CACNB2: variants seen among roughly 807,000 people sequenced by gnomAD.
The protein encoded by CACNB2 is voltage-dependent L-type calcium channel subunit beta-2.
A neutral mutation model predicts 73.3 loss-of-function variants in CACNB2; 42 were observed. The observed-to-expected ratio is 0.57, with a 90% CI of 0.45 to 0.74. CACNB2 has a LOEUF of 0.74. Among genes scored for constraint, CACNB2 ranks in the 30% least tolerant of loss-of-function variants. CACNB2 has a pLI of 0.00. For synonymous variants in CACNB2, 348 were observed against 310.3 expected, an observed-to-expected ratio of 1.12 and a Z score of -1.28; for missense variants, 940 against 853.0, an observed-to-expected ratio of 1.10 and a Z score of -1.27.
At chr10:18,249,079 A>C (rs959041645) in intron 2 of CACNB2, among the ~76,000 whole-genome samples, 1 of 152,176 alleles carries the variant, frequency 6.6e-6, no homozygotes, top group African/African-American at 2.4e-5. Context: ...TAAATCTGCA[A>C]CAGTTTCTCC....
intron 2 of CACNB2, among the ~76,000 whole-genome samples, chr10:18,186,547 G>A (rs371577052): frequency 5.8e-4 from 88 of 152,288 alleles, no homozygotes; most frequent in African/African-American, 2.0e-3. Flanking sequence ...TTCCGGGGAG[G>A]CCTCAGGAAA....
intron 2 of CACNB2, among the ~76,000 whole-genome samples, chr10:18,169,674 C>T (rs1257156776): frequency 6.6e-6 from 1 of 152,146 alleles, no homozygotes; most frequent in Admixed American, 6.5e-5. Context: ...TTATTGGGAA[C>T]TCATACTTCT....
At chr10:18,450,628 T>TTC (rs2046973711) in intron 3 of CACNB2, among the ~76,000 whole-genome samples, 1 of 121,126 alleles carries the variant, frequency 8.3e-6, no homozygotes, top group African/African-American at 3.6e-5. Flanking sequence ...TTTTTTTTCT[T>TTC]TTTTTTTTTT....
rs1053250926 is a variant in CACNB2 at position 18,239,263 on chromosome 10, C to T, written c.213+88288C>T. 3.9e-5 allele frequency among the ~76,000 whole-genome samples: 6 copies of T among 152,130 alleles called. No homozygotes were observed. In the South Asian group the frequency reaches 1.0e-3, roughly 26 times the overall value. On this transcript the variant is annotated intron_variant, in intron 2 of 13. Coordinates refer to ENST00000324631, the MANE Select transcript of CACNB2 (RefSeq NM_201596.3). ...CTAGGCTTTTAGTGTAACCATCCCC[C>T]GAATAGCGTGCATTATACCAGTTAG...
chr10:18,284,928 C>A (rs529896553), intron 2 of CACNB2, among the ~76,000 whole-genome samples: 4 of 152,200 alleles, frequency 2.6e-5, no homozygotes, highest in African/African-American at 7.2e-5. Context: ...CAGATTTGGT[C>A]CCATTTTTAC....
intron 2 of CACNB2, among the ~76,000 whole-genome samples, chr10:18,362,252 G>A (rs1397989963): frequency 4.6e-5 from 7 of 152,084 alleles, no homozygotes; most frequent in Non-Finnish European, 7.4e-5. Flanking sequence ...TCTTAAACAT[G>A]CTTATTAAAA....
intron 3 of CACNB2, among the ~76,000 whole-genome samples, chr10:18,407,269 G>A (rs942144946): frequency 6.6e-6 from 1 of 150,906 alleles, no homozygotes; most frequent in Admixed American, 6.6e-5. Flanking sequence ...TTACAGGCAC[G>A]CACCACCACA....
chr10:18,405,119 T>C (rs150809799), intron 3 of CACNB2, among the ~76,000 whole-genome samples: 40 of 152,330 alleles, frequency 2.6e-4, no homozygotes, highest in African/African-American at 9.4e-4. Context: ...AACAACTTTA[T>C]TGAGATATAA....
At chr10:18,483,096 A>C (rs904919034) in intron 3 of CACNB2, among the ~76,000 whole-genome samples, 4 of 152,122 alleles carry the variant, frequency 2.6e-5, no homozygotes, top group African/African-American at 7.2e-5. Context: ...AGGTTTTAAG[A>C]GTTTCTAGAG....
intron 2 of CACNB2, among the ~76,000 whole-genome samples, chr10:18,399,175 G>A (rs2043864179): frequency 1.3e-5 from 2 of 152,062 alleles, no homozygotes; most frequent in South Asian, 2.1e-4. Flanking sequence ...GGTGACAGTG[G>A]GGACAGGGGC....
intron 2 of CACNB2, among the ~76,000 whole-genome samples, chr10:18,370,021 C>T (rs1483104751): frequency 6.6e-6 from 1 of 152,236 alleles, no homozygotes; most frequent in African/African-American, 2.4e-5. Flanking sequence ...TTTTGTCCTG[C>T]TTTTGGCATG....
At chr10:18,440,670 G>A (rs1231416875) in intron 3 of CACNB2, among the ~76,000 whole-genome samples, 1 of 152,108 alleles carries the variant, frequency 6.6e-6, no homozygotes, top group Non-Finnish European at 1.5e-5. Flanking sequence ...TTCTGTGAAG[G>A]TGACATTTGA....
At chr10:18,378,763 A>G (rs2042900318) in intron 2 of CACNB2, among the ~76,000 whole-genome samples, 1 of 152,176 alleles carries the variant, frequency 6.6e-6, no homozygotes, top group South Asian at 2.1e-4. Context: ...AATAGACTCC[A>G]CGGTGGCCTG....
intron 3 of CACNB2, among the ~76,000 whole-genome samples, chr10:18,408,514 C>T (rs994934461): frequency 2.6e-5 from 4 of 152,038 alleles, no homozygotes; most frequent in Non-Finnish European, 4.4e-5. Context: ...TCTGGGATTA[C>T]AAGCATGAGC....
chr10:18,470,609 G>T (rs927181292), intron 3 of CACNB2, among the ~76,000 whole-genome samples: 2 of 151,766 alleles, frequency 1.3e-5, no homozygotes, highest in African/African-American at 2.4e-5. Flanking sequence ...CAGTTGCATT[G>T]CATGGAGCCT....
chr10:18,194,197 T>A (rs781549222), intron 2 of CACNB2, among the ~76,000 whole-genome samples: 3 of 152,174 alleles, frequency 2.0e-5, no homozygotes, highest in Non-Finnish European at 4.4e-5. Flanking sequence ...TTCACAGTCA[T>A]CTCTTGATGT....
chr10:18,157,325 G>A (rs374009336), intron 2 of CACNB2, among the ~76,000 whole-genome samples: 1 of 152,140 alleles, frequency 6.6e-6, no homozygotes, highest in Admixed American at 6.6e-5. Context: ...CTATTTATTA[G>A]TTGGCCTTTG....
intron 2 of CACNB2, among the ~76,000 whole-genome samples, chr10:18,156,312 T>C (rs1347848446): frequency 2.0e-5 from 3 of 152,270 alleles, no homozygotes; most frequent in Non-Finnish European, 1.5e-5. Flanking sequence ...TATATATAGA[T>C]GAAGGTTCCA....
intron 3 of CACNB2, among the ~76,000 whole-genome samples, chr10:18,481,206 A>T (rs1434107706): frequency 3.2e-4 from 4 of 12,392 alleles, no homozygotes; most frequent in African/African-American, 3.2e-4. Flanking sequence ...ATATATATAT[A>T]TATATATATA....
Sources: allele counts gnomAD v4.1 joint callset (sites outside exome capture counted in the v4.1 genomes callset), GRCh38; gene constraint gnomAD v4.1.1; transcripts MANE v1.5; gene names NCBI Gene and HGNC (gene_info 2026-07-23, HGNC 2026-07-21).